EFR3A: variants seen among roughly 807,000 people sequenced by gnomAD.
The protein encoded by EFR3A is EFR3 homolog A.
EFR3A carries 76 observed loss-of-function variants against 104.4 expected under a neutral mutation model. The observed-to-expected ratio is 0.73, with a 90% CI of 0.60 to 0.88. EFR3A has a LOEUF of 0.88. EFR3A is among the 40% of genes least tolerant of loss of function. The pLI is 0.00. For missense variants in EFR3A, 985 were observed against 1,012.5 expected, an observed-to-expected ratio of 0.97 and a Z score of 0.37; for synonymous variants, 330 against 330.0, an observed-to-expected ratio of 1.00 and a Z score of 0.00.
chr8:131,962,902 A>G (rs1361094235), intron 8 of EFR3A, among the ~76,000 whole-genome samples: 1 of 152,268 alleles, frequency 6.6e-6, no homozygotes, highest in African/African-American at 2.4e-5. Context: ...AGTAGAACTC[A>G]GGATTAAGAA....
chr8:131,950,143 T>C, intron 5 of EFR3A, 53 bp downstream of exon 5: 2 of 1,482,404 alleles, frequency 1.3e-6, no homozygotes, highest in Non-Finnish European at 1.8e-6. Context: ...AGATTAATAT[T>C]GTGTTCATAT....
intron 4 of EFR3A, among the ~76,000 whole-genome samples, chr8:131,948,206 A>G (rs947410481): frequency 6.6e-6 from 1 of 152,124 alleles, no homozygotes; most frequent in Non-Finnish European, 1.5e-5. Context: ...AGGTGCTGAC[A>G]GTGTGGATTC....
chr8:131,998,987 AT>A (rs771456953), intron 19 of EFR3A, among the ~76,000 whole-genome samples: 23 of 152,048 alleles, frequency 1.5e-4, no homozygotes, highest in Non-Finnish European at 2.9e-4. Context: ...CTGAGATAAA[AT>A]TATCAGCTTG....
chr8:131,926,970 A>C (rs898363489), intron 1 of EFR3A, among the ~76,000 whole-genome samples: 20 of 152,090 alleles, frequency 1.3e-4, no homozygotes, highest in Non-Finnish European at 4.4e-5. Flanking sequence ...TCTTTCACGG[A>C]GGGGAAAGAT....
At chr8:131,925,799 C>T (rs1235233500) in intron 1 of EFR3A, among the ~76,000 whole-genome samples, 1 of 152,088 alleles carries the variant, frequency 6.6e-6, no homozygotes, top group African/African-American at 2.4e-5. Context: ...TCTACCTGTA[C>T]TTTGTCCCTG....
At chr8:132,008,070 T>C (rs1822134476) in intron 22 of EFR3A, among the ~76,000 whole-genome samples, 2 of 151,964 alleles carry the variant, frequency 1.3e-5, no homozygotes, top group South Asian at 4.1e-4. Context: ...CACAAAGTAC[T>C]AAACAAAATT....
intron 1 of EFR3A, among the ~76,000 whole-genome samples, chr8:131,914,603 T>C (rs370397213): frequency 2.6e-5 from 4 of 152,048 alleles, no homozygotes; most frequent in African/African-American, 9.7e-5. Flanking sequence ...CAGGTGGCCC[T>C]CTCTATCTGA....
At position 132,003,304 on chromosome 8, in the gene EFR3A, C is replaced by A; in HGVS notation, c.2360+19C>A. 1 of 1,606,928 alleles carries A rather than the reference C, an allele frequency of 6.2e-7. No homozygotes were observed. On this transcript the variant is annotated intron_variant, in intron 22 of 22. Transcript: ENST00000254624. ...CCATACGGTAAGGGTTTTGTTATCA[C>A]AATAGCAATAACACACACACACGAA...
chr8:131,991,992 C>T lies in EFR3A; in HGVS notation c.2065+4290C>T, dbSNP rs902908875. Among the ~76,000 whole-genome samples, 4 of 152,192 alleles carry T rather than the reference C, an allele frequency of 2.6e-5. No individual in the cohort carries two copies. In the East Asian group the frequency reaches 5.8e-4, roughly 22 times the overall value. The stretch of plus-strand genomic sequence containing the variant: ...TCCTTTTTGTTCTCAATGATTTTGC[C>T]GCTCAGTGACCCCTTTCCTGCCCCC... On this transcript the variant is annotated intron_variant, in intron 18 of 22. Transcript: ENST00000254624.
At chr8:131,954,076 G>A (rs948161040) in intron 6 of EFR3A, 109 bp downstream of exon 6, 38 of 1,090,318 alleles carry the variant, frequency 3.5e-5, no homozygotes, top group Non-Finnish European at 4.3e-5. Context: ...CAGTAGTCTC[G>A]TAAAGTTAAG....
intron 11 of EFR3A, among the ~76,000 whole-genome samples, 156 bp downstream of exon 11, chr8:131,976,297 G>A (rs1820325056): frequency 6.6e-6 from 1 of 152,068 alleles, no homozygotes; most frequent in Admixed American, 6.5e-5. Context: ...AGATTGCTAA[G>A]CAATTGAATT....
At chr8:131,968,210 G>A (rs970317569) in intron 8 of EFR3A, 85 bp from the exon 9 acceptor site, 42 of 1,319,094 alleles carry the variant, frequency 3.2e-5, no homozygotes, top group South Asian at 4.5e-5. Context: ...GGTCATTTAC[G>A]TGTCAGGTGT....
chr8:131,982,088 G>T (rs1434127082), intron 14 of EFR3A, among the ~76,000 whole-genome samples: 1 of 152,040 alleles, frequency 6.6e-6, no homozygotes, highest in Admixed American at 6.6e-5. Flanking sequence ...CATCCCACAT[G>T]TTCTGTCTTC....
At chr8:131,940,221 T>C (rs1041844138) in intron 1 of EFR3A, 1 of 361,998 alleles carries the variant, frequency 2.8e-6, no homozygotes, top group African/African-American at 2.1e-5. Context: ...AGAAAGGAGG[T>C]AAAGGGGGCA....
intron 1 of EFR3A, among the ~76,000 whole-genome samples, chr8:131,936,899 G>T (rs1817923380): frequency 6.6e-6 from 1 of 151,936 alleles, no homozygotes; most frequent in Non-Finnish European, 1.5e-5. Flanking sequence ...TTTTTATAGA[G>T]GCTTCACTAT....
Position 131,925,777 on chromosome 8 carries a change from G to A in EFR3A, c.11-14722G>A, listed in dbSNP as rs530398873. Among the ~76,000 whole-genome samples the A allele has an allele frequency of 1.8e-3, 279 of 152,158 alleles. 2 individuals are homozygous for A. Among genetic ancestry groups the A allele is most frequent in the African/African-American group, 6.5e-3 (271 of 41,500 alleles). On this transcript the variant is annotated intron_variant, in intron 1 of 22. Transcript: ENST00000254624. Reference sequence around the variant, plus strand: ...TAAAGTTGCCTTAAATTGGGTTTTAGTAGAAAGATCTTCTACCTGTACTTT... The same window carrying A: ...TAAAGTTGCCTTAAATTGGGTTTTAATAGAAAGATCTTCTACCTGTACTTT...
Position 131,904,249 on chromosome 8 carries a change from C to A in EFR3A, c.-64C>A, listed in dbSNP as rs1563801209. 2 of 1,280,198 alleles carry A rather than the reference C, an allele frequency of 1.6e-6. No homozygotes were observed. Among genetic ancestry groups the A allele is most frequent in the South Asian group, 2.5e-5 (1 of 40,222 alleles). 79.3% of individuals were successfully genotyped at this position (1,280,198 alleles called of 1,614,324 possible). A position where few individuals can be genotyped will look rare whatever the true frequency, so the allele number is the denominator to read the frequency against. On this transcript the variant is annotated 5_prime_UTR_variant, in exon 1 of 23. Transcript: ENST00000254624. ...GGCCCAGCAACGGCCGTCATGGTGC[C>A]GTCGGCGCTCCCTGCGCGGCCCCGC... is the stretch of plus-strand genomic sequence containing the variant.
Position 131,977,040 on chromosome 8 carries a change from G to T in EFR3A, c.1275-1G>T. ...ATAATTCAGCCTTTTGTATATTTTA[G>T]GGATTTGGGAACCAGGAGAATTCAG... On this transcript the variant is annotated splice_acceptor_variant, in intron 11 of 22. Coordinates refer to ENST00000254624, the MANE Select transcript of EFR3A (RefSeq NM_015137.6). LOFTEE classifies it high-confidence loss of function. 6.3e-7 allele frequency: 1 copy of T among 1,594,850 alleles called. No individual in the cohort carries two copies. Among genetic ancestry groups the T allele is most frequent in the Non-Finnish European group, 8.6e-7 (1 of 1,168,712 alleles).
intron 1 of EFR3A, among the ~76,000 whole-genome samples, chr8:131,920,775 A>C (rs962623789): frequency 2.6e-5 from 4 of 151,924 alleles, no homozygotes; most frequent in African/African-American, 9.7e-5. Context: ...AACGAGATCC[A>C]TGCTCCATGC....
Sources: gnomAD v4.1 joint callset for allele counts (sites outside exome capture counted in the v4.1 genomes callset) on GRCh38, gnomAD v4.1.1 for gene constraint, MANE v1.5 for transcripts, NCBI Gene and HGNC (gene_info 2026-07-23, HGNC 2026-07-21) for gene names.